Variants in ZNF534 observed in about 807,000 individuals in gnomAD.
ZNF534 encodes the protein zinc finger protein 534, also known as KRAB domain only 3.
A neutral mutation model predicts 13.6 loss-of-function variants in ZNF534; 19 were observed. The ratio of observed to expected loss-of-function variants is 1.40; its 90% confidence interval spans 0.97 to 2.05. The LOEUF (loss-of-function observed/expected upper bound fraction) is 2.05, where lower values mean the gene tolerates loss of function less well. ZNF534 is among the 30% of genes most tolerant of loss of function. The probability of loss-of-function intolerance (pLI) is 0.00; values close to 1 mark genes in which losing one functional copy is unlikely to be tolerated. For missense variants in ZNF534, 782 were observed against 796.3 expected, an observed-to-expected ratio of 0.98 and a Z score of 0.22; for synonymous variants, 244 against 273.8, an observed-to-expected ratio of 0.89 and a Z score of 1.07.
chr19:52,447,731 G>A (rs1229184059), intron 4 of ZNF534, among the ~76,000 whole-genome samples: 3 of 152,062 alleles, frequency 2.0e-5, no homozygotes, highest in Non-Finnish European at 4.4e-5. Context: ...ACAGAACACT[G>A]ATTGAATTTT....
In ZNF534 at chr19:52,440,628, A is replaced by G. The variant is rs368293086; in HGVS notation, c.*1182A>G. ...AAACCCCATCACTACTAAAAATAAAAAAAATAGCTGGGTGTGGTGGTGGGT... is the reference window on the plus strand; with the variant it reads ...AAACCCCATCACTACTAAAAATAAAGAAAATAGCTGGGTGTGGTGGTGGGT... On this transcript the variant is annotated 3_prime_UTR_variant, in exon 5 of 5. Coordinates refer to ENST00000433050, the MANE Select transcript of ZNF534 (RefSeq NM_001143938.3). Among the ~76,000 whole-genome samples, 8 of 152,148 alleles carry G rather than the reference A, an allele frequency of 5.3e-5. No individual in the cohort carries two copies. In the East Asian group the frequency reaches 1.4e-3, roughly 26 times the overall value.
intron 4 of ZNF534, among the ~76,000 whole-genome samples, chr19:52,450,997 T>A (rs538793924): frequency 6.6e-6 from 1 of 152,246 alleles, no homozygotes; most frequent in South Asian, 2.1e-4. Context: ...TAGGATTCAT[T>A]TTTTTCTATT....
chr19:52,435,331 G>A, intron 4 of ZNF534, 122 bp downstream of exon 4: 1 of 1,148,174 alleles, frequency 8.7e-7, no homozygotes, highest in Non-Finnish European at 1.2e-6. Flanking sequence ...TAAACTCCTG[G>A]ACTTAAGGGA....
In ZNF534 at chr19:52,451,272, A is replaced by G. The variant is rs548832652; in HGVS notation, c.357A>G (p.Pro119=). The stretch of plus-strand genomic sequence containing the variant: ...GAGGTGCTGAGGAGCCAACCGGCCC[A>G]AACTTTGTGGGAAATGACTCCCCTC... Residue 119 remains proline (P), a synonymous_variant, in exon 5 of 5, where the codon CCA becomes CCG. Coordinates refer to the ZNF534 transcript ENST00000301085. 1.8e-5 allele frequency: 18 copies of G among 998,440 alleles called. 1 individual carries two copies. In the South Asian group the frequency reaches 2.3e-4, roughly 13 times the overall value. 61.8% of individuals were successfully genotyped at this position (998,440 alleles called of 1,614,324 possible). A position where few individuals can be genotyped will look rare whatever the true frequency, so the allele number is the denominator to read the frequency against.
At position 52,438,853 on chromosome 19, in the gene ZNF534, C is replaced by G. The variant is rs1220824750; in HGVS notation, c.1393C>G (p.Pro465Ala). The change falls in exon 5 of 5, where the codon CCT (proline) becomes GCT (alanine). Residue 465 changes from proline (P) to alanine (A), a missense_variant. Pro to Ala is a conservative substitution (Grantham distance 27). Coordinates refer to ENST00000433050, the MANE Select transcript of ZNF534 (RefSeq NM_001143938.3). ...CTGTAGAATTCATACTGGAGAGAAGCCTTACAAATGTAACGAATGTGGCAA... is the reference window on the plus strand; with the variant it reads ...CTGTAGAATTCATACTGGAGAGAAGGCTTACAAATGTAACGAATGTGGCAA... ...YHCRIHTGEK[P>A]YKCNECGKVF... 1.9e-6 allele frequency: 3 copies of G among 1,611,692 alleles called. No homozygotes were observed. Among genetic ancestry groups the G allele is most frequent in the Middle Eastern group, 1.6e-4 (1 of 6,082 alleles).
At chr19:52,444,849 G>A (rs930900272), downstream of ZNF534, among the ~76,000 whole-genome samples, 2 of 152,128 alleles carry the variant, frequency 1.3e-5, no homozygotes, top group African/African-American at 2.4e-5. Flanking sequence ...CTCCCACCGT[G>A]CCCCCATGTC....
intron 2 of ZNF534, among the ~76,000 whole-genome samples, chr19:52,433,638 T>A (rs1026456048): frequency 1.3e-5 from 2 of 152,242 alleles, no homozygotes; most frequent in African/African-American, 2.4e-5. Context: ...AATGCTGGGA[T>A]TACAGGCATG....
At chr19:52,430,008 T>A (rs1490609509) in intron 1 of ZNF534, among the ~76,000 whole-genome samples, 1 of 151,862 alleles carries the variant, frequency 6.6e-6, no homozygotes, top group Non-Finnish European at 1.5e-5. Flanking sequence ...TGATTGATGC[T>A]GACAATTTTT....
At chr19:52,448,134 G>T (rs758268622) in intron 4 of ZNF534, among the ~76,000 whole-genome samples, 1 of 151,912 alleles carries the variant, frequency 6.6e-6, no homozygotes, top group Admixed American at 6.6e-5. Flanking sequence ...AAAATTTTTT[G>T]GCCAGGCGCA....
chr19:52,442,702 TTCACTGTGG>T (rs1435270442), downstream of ZNF534, among the ~76,000 whole-genome samples: 1 of 152,224 alleles, frequency 6.6e-6, no homozygotes, highest in African/African-American at 2.4e-5. Flanking sequence ...CTACAGGCCT[TTCACTGTGG>T]TCTCTGGGAA....
chr19:52,450,974 C>T (rs2059212391), intron 4 of ZNF534, among the ~76,000 whole-genome samples: 1 of 152,024 alleles, frequency 6.6e-6, no homozygotes, highest in African/African-American at 2.4e-5. Flanking sequence ...GCACAAGCCA[C>T]CTCACCCAGC....
rs931809108 is a variant in ZNF534 at position 52,442,165 on chromosome 19, TG to T, written c.*2722del. Among the ~76,000 whole-genome samples the T allele has an allele frequency of 3.5e-4, 54 of 152,340 alleles. No individual in the cohort carries two copies. The highest frequency in any genetic ancestry group is 1.2e-3 in the African/African-American group (49 of 41,584). ...TTGTTTTCTTTTTTCCTAAAAGTGT[TG>T]GGAACAGGCCACCAAAACTGGCCAT... On this transcript the variant is annotated 3_prime_UTR_variant, in exon 5 of 5. Coordinates refer to ENST00000433050, the MANE Select transcript of ZNF534 (RefSeq NM_001143938.3).
At chr19:52,448,182 G>A (rs889712157) in intron 4 of ZNF534, among the ~76,000 whole-genome samples, 7 of 152,046 alleles carry the variant, frequency 4.6e-5, no homozygotes, top group African/African-American at 7.2e-5. Context: ...TTGGAAGGCC[G>A]AGGTGGGCTG....
chr19:52,438,966 C>T lies in ZNF534; in HGVS notation c.1506C>T (p.Val502=), dbSNP rs762782054. The change falls in exon 5 of 5, where the codon GTC becomes GTT. Residue 502 remains valine (V), a synonymous_variant. Transcript: ENST00000433050. Reference sequence around the variant, plus strand: ...ACAAATGTAATGAATGTGGCAAGGTCTTCCGTCAGAATTCACACCTTGCAC... The same window carrying T: ...ACAAATGTAATGAATGTGGCAAGGTTTTCCGTCAGAATTCACACCTTGCAC... ...KLYKCNECGK[V]FRQNSHLAQH... 6 of 1,604,690 alleles carry T rather than the reference C, an allele frequency of 3.7e-6. No individual in the cohort carries two copies. The African/African-American group carries it at 6.7e-5, about 18-fold the overall frequency.
At chr19:52,436,283 C>T (rs2122683847) in intron 4 of ZNF534, among the ~76,000 whole-genome samples, 1 of 152,238 alleles carries the variant, frequency 6.6e-6, no homozygotes, top group African/African-American at 2.4e-5. Context: ...CTGCCTTCTA[C>T]CCTGAAGATA....
rs1403630245 is a variant in ZNF534 at position 52,441,021 on chromosome 19, C to T, written c.*1575C>T. Among the ~76,000 whole-genome samples, 1 of 152,064 alleles carries T rather than the reference C, an allele frequency of 6.6e-6. No individual in the cohort carries two copies. Among genetic ancestry groups the T allele is most frequent in the African/African-American group, 2.4e-5 (1 of 41,502 alleles). ...GGTTCAAGCAATTCTCCTGCCTCTA[C>T]CTCCCGAGTAGCTAGGACTACAAGC... On this transcript the variant is annotated 3_prime_UTR_variant, in exon 5 of 5. Transcript: ENST00000433050.
At chr19:52,433,549 G>C (rs938184801) in intron 2 of ZNF534, among the ~76,000 whole-genome samples, 6 of 152,152 alleles carry the variant, frequency 3.9e-5, no homozygotes, top group Non-Finnish European at 7.3e-5. Context: ...TGTATTTTTA[G>C]TAGAGATGGG....
At chr19:52,445,581 G>T (rs1457710210), downstream of ZNF534, among the ~76,000 whole-genome samples, 3 of 152,154 alleles carry the variant, frequency 2.0e-5, no homozygotes, top group Admixed American at 6.5e-5. Context: ...GTGACGGTTT[G>T]TGTTCTTGGC....
intron 1 of ZNF534, among the ~76,000 whole-genome samples, chr19:52,430,264 C>CAT (rs1387007507): frequency 1.3e-5 from 2 of 152,020 alleles, no homozygotes; most frequent in Non-Finnish European, 2.9e-5. Flanking sequence ...GATCCACCTG[C>CAT]CTCGGCCTCC....
Sources: gnomAD v4.1 joint callset for allele counts (sites outside exome capture counted in the v4.1 genomes callset) on GRCh38, gnomAD v4.1.1 for gene constraint, MANE v1.5 for transcripts, NCBI Gene and HGNC (gene_info 2026-07-23, HGNC 2026-07-21) for gene names.